Variants in XKR4 observed in about 807,000 individuals in gnomAD.
The protein encoded by XKR4 is XK related 4.
In XKR4, 12 loss-of-function variants were observed where a neutral mutation model predicts 53.9. The observed-to-expected ratio is 0.22, with a 90% CI of 0.14 to 0.36. XKR4 has a LOEUF of 0.36. Ranked by LOEUF, XKR4 falls within the 10% of genes least tolerant of loss-of-function variation. XKR4 has a pLI of 1.00. For synonymous variants in XKR4, 354 were observed against 362.4 expected, an observed-to-expected ratio of 0.98 and a Z score of 0.26; for missense variants, 799 against 859.5, an observed-to-expected ratio of 0.93 and a Z score of 0.88.
rs1806997472 is a variant in XKR4, at chr8:55,534,361, TTC to T, written c.*10136_*10137del. The T allele has an allele frequency of 7.5e-6, 1 of 133,256 alleles. No homozygotes were observed. Among genetic ancestry groups the T allele is most frequent in the African/African-American group, 2.8e-5 (1 of 35,878 alleles). The allele number at this position is 133,256 out of a possible 1,614,324, so 8.3% of individuals were successfully genotyped here. ...GAGCTCAAAGATCACGAATCTGATA[TTC>T]TTTTTTTTTTTTTTTTTTTTTTTTT... On this transcript the variant is annotated 3_prime_UTR_variant, in exon 3 of 3. Transcript: ENST00000327381.
chr8:55,504,180 G>A (rs1221296974), intron 2 of XKR4, among the ~76,000 whole-genome samples: 1 of 144,240 alleles, frequency 6.9e-6, no homozygotes, highest in African/African-American at 2.5e-5. Context: ...TTTTGTTGTT[G>A]TTGTTGTTTT....
intron 2 of XKR4, chr8:55,451,028 C>T: frequency 1.8e-6 from 1 of 553,034 alleles, no homozygotes; most frequent in Non-Finnish European, 3.4e-6. Flanking sequence ...CCTTCACCTG[C>T]CGCGCCTGGA....
chr8:55,450,863 C>T (rs906603128), intron 2 of XKR4: 4 of 474,260 alleles, frequency 8.4e-6, no homozygotes, highest in East Asian at 5.2e-5. Context: ...GAACTTGAGT[C>T]CAGGAGCTCC....
At chr8:55,458,584 G>A (rs751160112) in intron 2 of XKR4, among the ~76,000 whole-genome samples, 10 of 152,346 alleles carry the variant, frequency 6.6e-5, no homozygotes, top group Non-Finnish European at 1.3e-4. Flanking sequence ...GATGGTAAAT[G>A]CAGAAGATTT....
In XKR4 at chr8:55,453,056, C is replaced by T. The variant is rs1585581489; in HGVS notation, c.1007-70225C>T. ...TCCTGGGAAGGTGCCTCCCCAACCT[C>T]CTGGGCTGGGGCCTGATCCTCGGTG... On this transcript the variant is annotated intron_variant, in intron 2 of 2. Coordinates refer to ENST00000327381, the MANE Select transcript of XKR4 (RefSeq NM_052898.2). The T allele has an allele frequency of 2.2e-5, 13 of 602,876 alleles. No individual in the cohort carries two copies. The East Asian group carries it at 4.5e-4, about 21-fold the overall frequency. 37.3% of individuals were successfully genotyped at this position (602,876 alleles called of 1,614,324 possible).
At chr8:55,316,733 C>T (rs1819483499) in intron 1 of XKR4, among the ~76,000 whole-genome samples, 1 of 152,138 alleles carries the variant, frequency 6.6e-6, no homozygotes, top group Non-Finnish European at 1.5e-5. Flanking sequence ...TGGTTCCTTC[C>T]TCCGATCCAC....
intron 2 of XKR4, among the ~76,000 whole-genome samples, chr8:55,405,560 T>C (rs1307511089): frequency 6.6e-6 from 1 of 152,216 alleles, no homozygotes. Context: ...GTCACATGTA[T>C]GGCATTTGAC....
Position 55,375,111 on chromosome 8 carries a change from G to A in XKR4, c.1006+17234G>A, listed in dbSNP as rs79031067. 2.3e-3 allele frequency among the ~76,000 whole-genome samples: 345 copies of A among 152,374 alleles called. 1 individual carries two copies. The highest frequency in any genetic ancestry group is 7.8e-3 in the African/African-American group (324 of 41,598). ...TCAGTTTGGAGGAATTCCATTGCCA[G>A]TGATCTTTGCTGTCTTCACACAGCG... On this transcript the variant is annotated intron_variant, in intron 2 of 2. Transcript: ENST00000327381.
intron 1 of XKR4, among the ~76,000 whole-genome samples, chr8:55,150,147 G>A (rs1816821735): frequency 6.6e-6 from 1 of 152,064 alleles, no homozygotes. Context: ...ACCATTTCAT[G>A]GGTTATTTGC....
intron 1 of XKR4, among the ~76,000 whole-genome samples, chr8:55,118,878 C>T (rs765963171): frequency 6.6e-5 from 10 of 151,940 alleles, no homozygotes; most frequent in Non-Finnish European, 1.2e-4. Context: ...GTTCATGGCA[C>T]AAAAATTTGT....
chr8:55,301,647 T>C (rs548497174), intron 1 of XKR4, among the ~76,000 whole-genome samples: 67 of 152,320 alleles, frequency 4.4e-4, no homozygotes, highest in African/African-American at 1.5e-3. Context: ...CCACATCCTC[T>C]CCAGCACCTG....
intron 2 of XKR4, chr8:55,454,681 A>G (rs1238306361): frequency 2.2e-6 from 2 of 914,156 alleles, no homozygotes; most frequent in Admixed American, 1.7e-5. Context: ...CCCTGGGAAC[A>G]CATTCAGGCC....
intron 2 of XKR4, among the ~76,000 whole-genome samples, chr8:55,369,107 A>G (rs1053752750): frequency 3.3e-5 from 5 of 151,986 alleles, no homozygotes; most frequent in Non-Finnish European, 7.4e-5. Context: ...CACACCTATA[A>G]TCCTAGCACT....
intron 2 of XKR4, among the ~76,000 whole-genome samples, chr8:55,411,953 T>A (rs1439915515): frequency 6.6e-6 from 1 of 152,202 alleles, no homozygotes; most frequent in Non-Finnish European, 1.5e-5. Context: ...CTGAGGAGAT[T>A]CACATTTAGT....
chr8:55,139,984 T>C (rs1024216894), intron 1 of XKR4: 24 of 244,752 alleles, frequency 9.8e-5, no homozygotes, highest in African/African-American at 5.0e-4. Context: ...ATCATTGCTT[T>C]TCCACTTTAA....
intron 1 of XKR4, among the ~76,000 whole-genome samples, chr8:55,205,424 G>A (rs1283896296): frequency 6.6e-6 from 1 of 152,116 alleles, no homozygotes; most frequent in African/African-American, 2.4e-5. Flanking sequence ...TTTATAACGA[G>A]AGGCTGCATA....
At chr8:55,398,239 C>T (rs1804551279) in intron 2 of XKR4, among the ~76,000 whole-genome samples, 1 of 152,122 alleles carries the variant, frequency 6.6e-6, no homozygotes, top group African/African-American at 2.4e-5. Context: ...CACACCTGCT[C>T]ACCCCAGAGC....
intron 1 of XKR4, among the ~76,000 whole-genome samples, chr8:55,318,017 A>G (rs1265761644): frequency 6.6e-6 from 1 of 152,240 alleles, no homozygotes; most frequent in Non-Finnish European, 1.5e-5. Flanking sequence ...ACCAAGTAAT[A>G]ATCCAGTTTA....
intron 1 of XKR4, among the ~76,000 whole-genome samples, chr8:55,168,380 A>G (rs563794279): frequency 8.7e-4 from 132 of 152,278 alleles, no homozygotes; most frequent in Non-Finnish European, 1.7e-3. Flanking sequence ...CATCTGTCAA[A>G]TCCTTCATCC....
Sources: allele counts gnomAD v4.1 joint callset (sites outside exome capture counted in the v4.1 genomes callset), GRCh38; gene constraint gnomAD v4.1.1; transcripts MANE v1.5; gene names NCBI Gene and HGNC (gene_info 2026-07-23, HGNC 2026-07-21).